Variants in SPOCK1 observed in about 807,000 individuals in gnomAD.
SPOCK1 encodes testican-1.
In SPOCK1, 23 loss-of-function variants were observed where a neutral mutation model predicts 55.3. The observed-to-expected ratio is 0.42, with a 90% CI of 0.30 to 0.59. SPOCK1 has a LOEUF of 0.59. Among genes scored for constraint, SPOCK1 ranks in the 20% least tolerant of loss-of-function variants. SPOCK1 has a pLI of 0.22. For synonymous variants in SPOCK1, 226 were observed against 221.0 expected, an observed-to-expected ratio of 1.02 and a Z score of -0.20; for missense variants, 499 against 552.5, an observed-to-expected ratio of 0.90 and a Z score of 0.97.
chr5:137,224,166 C>T lies in SPOCK1; in HGVS notation c.232+42844G>A, dbSNP rs571744196. ...CAGTCTCCCTGTAGCTTTGCCACAA[C>T]TTTTCTACAGGGAAATTAACAAGAA... On this transcript the variant is annotated intron_variant, in intron 3 of 10. Transcript: ENST00000394945. Among the ~76,000 whole-genome samples the T allele has an allele frequency of 3.9e-5, 6 of 152,326 alleles. No homozygotes were observed. In the East Asian group the frequency reaches 1.2e-3, roughly 29 times the overall value.
intron 4 of SPOCK1, among the ~76,000 whole-genome samples, chr5:137,130,826 G>T (rs763024920): frequency 6.6e-6 from 1 of 152,134 alleles, no homozygotes. Context: ...AGCAACATTG[G>T]GTTCAATGTA....
intron 2 of SPOCK1, among the ~76,000 whole-genome samples, chr5:137,356,234 C>T (rs1452636061): frequency 6.6e-6 from 1 of 152,136 alleles, no homozygotes; most frequent in African/African-American, 2.4e-5. Context: ...CTATCAAGCC[C>T]ACCACCAAAA....
chr5:137,247,441 G>C (rs1478293490), intron 3 of SPOCK1, among the ~76,000 whole-genome samples: 1 of 152,168 alleles, frequency 6.6e-6, no homozygotes, highest in African/African-American at 2.4e-5. Context: ...TATGATTATG[G>C]AATTAATGCA....
intron 2 of SPOCK1, among the ~76,000 whole-genome samples, chr5:137,426,815 C>T (rs962073845): frequency 6.6e-6 from 1 of 152,200 alleles, no homozygotes; most frequent in African/African-American, 2.4e-5. Flanking sequence ...CCTACCCGCA[C>T]AACACCCTGA....
chr5:137,184,954 T>A (rs1275541475), intron 3 of SPOCK1, among the ~76,000 whole-genome samples: 1 of 152,204 alleles, frequency 6.6e-6, no homozygotes, highest in African/African-American at 2.4e-5. Context: ...ACTGTCCCTG[T>A]CATTCTCCAT....
chr5:137,355,677 C>G (rs148656131), intron 2 of SPOCK1, among the ~76,000 whole-genome samples: 123 of 152,290 alleles, frequency 8.1e-4, no homozygotes, highest in Middle Eastern at 3.4e-3. Flanking sequence ...ACCTTTTTCA[C>G]TCAGTTTGCA....
Position 137,099,793 on chromosome 5 carries a change from C to T in SPOCK1, c.474+12642G>A, listed in dbSNP as rs533115790. The stretch of plus-strand genomic sequence containing the variant: ...GACTTAAGGCATTGTATCCAGTCAA[C>T]GGAAAGGAGCCAGTCAAGCTAATCA... On this transcript the variant is annotated intron_variant, in intron 5 of 10. Transcript: ENST00000394945. Among the ~76,000 whole-genome samples the T allele has an allele frequency of 1.5e-4, 23 of 152,198 alleles. No homozygotes were observed. The South Asian group carries it at 2.9e-3, about 19-fold the overall frequency.
At chr5:137,254,444 A>G (rs1694322436) in intron 3 of SPOCK1, among the ~76,000 whole-genome samples, 1 of 152,214 alleles carries the variant, frequency 6.6e-6, no homozygotes, top group Non-Finnish European at 1.5e-5. Context: ...TGACCTCTCC[A>G]AAGATAGCTA....
chr5:137,495,136 T>G (rs1188482388), intron 2 of SPOCK1, among the ~76,000 whole-genome samples: 1 of 152,226 alleles, frequency 6.6e-6, no homozygotes, highest in Non-Finnish European at 1.5e-5. Context: ...CATCTGAGCA[T>G]TGTTCTATTT....
intron 3 of SPOCK1, among the ~76,000 whole-genome samples, chr5:137,249,777 C>T (rs1047104806): frequency 6.6e-6 from 1 of 152,118 alleles, no homozygotes; most frequent in African/African-American, 2.4e-5. Context: ...AGAAACACAT[C>T]CAGAGGAAAT....
At chr5:136,985,353 G>C (rs1750818158) in intron 8 of SPOCK1, 151 bp from the exon 9 acceptor site, 1 of 761,746 alleles carries the variant, frequency 1.3e-6, no homozygotes, top group East Asian at 2.6e-5. Flanking sequence ...ACAAATTCGG[G>C]CCATTAGTGT....
At chr5:137,311,183 C>T (rs1757783270) in intron 2 of SPOCK1, among the ~76,000 whole-genome samples, 1 of 152,102 alleles carries the variant, frequency 6.6e-6, no homozygotes, top group Non-Finnish European at 1.5e-5. Flanking sequence ...ATCTCTTTTC[C>T]CCATTGGCTT....
intron 6 of SPOCK1, among the ~76,000 whole-genome samples, chr5:137,014,105 T>C (rs1366872662): frequency 1.3e-5 from 2 of 152,186 alleles, no homozygotes; most frequent in Non-Finnish European, 2.9e-5. Flanking sequence ...GTCTTCATGA[T>C]ATTGACTTCT....
chr5:137,368,745 TG>T lies in SPOCK1; in HGVS notation c.187-101691del, dbSNP rs560711978. Among the ~76,000 whole-genome samples, 328 of 152,310 alleles carry T rather than the reference TG, an allele frequency of 2.2e-3. 2 individuals carry two copies. The highest frequency in any genetic ancestry group is 3.4e-3 in the Non-Finnish European group (234 of 68,022). On this transcript the variant is annotated intron_variant, in intron 2 of 10. Transcript: ENST00000394945. ...CCTCCCTCTCCCTTCCCCACAGCCC[TG>T]TCCCCACTGCTTCCACATCTCCCAT...
intron 5 of SPOCK1, among the ~76,000 whole-genome samples, chr5:137,077,030 T>G (rs559189034): frequency 6.6e-5 from 10 of 152,260 alleles, no homozygotes; most frequent in Non-Finnish European, 1.3e-4. Context: ...TTCATGCCAT[T>G]CTCCTGCCTC....
chr5:137,306,540 T>C (rs1018689292), intron 2 of SPOCK1, among the ~76,000 whole-genome samples: 9 of 152,160 alleles, frequency 5.9e-5, no homozygotes, highest in Non-Finnish European at 8.8e-5. Context: ...TCCTCAGCCA[T>C]GCTAGAGGAA....
At chr5:137,435,256 T>G (rs1383932066) in intron 2 of SPOCK1, among the ~76,000 whole-genome samples, 2 of 152,242 alleles carry the variant, frequency 1.3e-5, no homozygotes, top group Non-Finnish European at 2.9e-5. Context: ...GCATCTCTAA[T>G]TAATTCCTTA....
intron 8 of SPOCK1, among the ~76,000 whole-genome samples, chr5:136,987,480 G>A (rs1750866890): frequency 6.6e-6 from 1 of 152,124 alleles, no homozygotes; most frequent in Admixed American, 6.6e-5. Flanking sequence ...TATATCTTTG[G>A]TGAAAGTAAA....
intron 6 of SPOCK1, among the ~76,000 whole-genome samples, chr5:137,021,581 A>G (rs1263057528): frequency 6.6e-6 from 1 of 152,206 alleles, no homozygotes; most frequent in African/African-American, 2.4e-5. Flanking sequence ...AATTCTAACA[A>G]ATTAAAAATG....
Sources: allele counts gnomAD v4.1 joint callset (sites outside exome capture counted in the v4.1 genomes callset), GRCh38; gene constraint gnomAD v4.1.1; transcripts MANE v1.5; gene names NCBI Gene and HGNC (gene_info 2026-07-23, HGNC 2026-07-21).